Variants in HNRNPLL observed in about 807,000 individuals in gnomAD.
HNRNPLL encodes the protein heterogeneous nuclear ribonucleoprotein L-like.
Under a neutral mutation model 67.1 loss-of-function variants are expected in HNRNPLL, and 25 were observed. The ratio of observed to expected loss-of-function variants is 0.37; its 90% CI spans 0.27 to 0.52. The LOEUF is 0.52. HNRNPLL is among the 20% of genes least tolerant of loss of function. HNRNPLL has a pLI of 0.90. For missense variants in HNRNPLL, 542 were observed against 673.9 expected, an observed-to-expected ratio of 0.80 and a Z score of 2.17; for synonymous variants, 267 against 241.7, an observed-to-expected ratio of 1.10 and a Z score of -0.97.
At chr2:38,569,451 T>C (rs929915579) in intron 9 of HNRNPLL, 117 bp from the exon 10 acceptor site, 7 of 659,300 alleles carry the variant, frequency 1.1e-5, no homozygotes, top group African/African-American at 7.3e-5. Flanking sequence ...AAGGCATACA[T>C]AGAGCTATTT....
chr2:38,594,164 G>A (rs571102116), intron 1 of HNRNPLL, among the ~76,000 whole-genome samples: 93 of 152,078 alleles, frequency 6.1e-4, no homozygotes, highest in African/African-American at 2.2e-3. Flanking sequence ...GACAGAACAA[G>A]ACTCCATCTC....
Position 38,602,585 on chromosome 2 carries a change from C to T in HNRNPLL, c.42G>A (p.Glu14=). The change falls in exon 1 of 13, where the codon GAG becomes GAA. Residue 14 remains glutamate, a synonymous_variant. Coordinates refer to ENST00000449105, the MANE Select transcript of HNRNPLL (RefSeq NM_138394.4). Reference sequence around the variant, plus strand: ...TGGCCTGGCTCTCGTACTCCCGGTCCTCCTCGTACGTCTCCCTGGGGGAGG... The same window carrying T: ...TGGCCTGGCTCTCGTACTCCCGGTCTTCCTCGTACGTCTCCCTGGGGGAGG... ...SSSSPRETYE[E]DREYESQAKR... is the part of the protein sequence containing the mutation. The T allele has an allele frequency of 1.9e-6, 3 of 1,573,964 alleles. No individual in the cohort carries two copies. Among genetic ancestry groups the T allele is most frequent in the Non-Finnish European group, 2.6e-6 (3 of 1,162,078 alleles).
chr2:38,594,947 A>G (rs1667112038), intron 1 of HNRNPLL, among the ~76,000 whole-genome samples: 1 of 152,006 alleles, frequency 6.6e-6, no homozygotes, highest in South Asian at 2.1e-4. Context: ...CTCAAAAAAA[A>G]GAAATAACCA....
intron 2 of HNRNPLL, among the ~76,000 whole-genome samples, chr2:38,588,370 A>C (rs1163895085): frequency 1.3e-5 from 2 of 151,746 alleles, no homozygotes; most frequent in African/African-American, 4.8e-5. Flanking sequence ...CAAGATGGTG[A>C]AACCCTGTCT....
At chr2:38,572,018 T>C (rs1038987537) in intron 8 of HNRNPLL, among the ~76,000 whole-genome samples, 1 of 152,122 alleles carries the variant, frequency 6.6e-6, no homozygotes, top group Non-Finnish European at 1.5e-5. Context: ...AAATACTCTA[T>C]AAAGAAAGTT....
At chr2:38,591,011 T>C (rs1164459073) in intron 2 of HNRNPLL, among the ~76,000 whole-genome samples, 1 of 151,904 alleles carries the variant, frequency 6.6e-6, no homozygotes, top group Non-Finnish European at 1.5e-5. Context: ...TCTCAAAAAA[T>C]AAAAAGAACT....
At chr2:38,589,059 A>G (rs1194899128) in intron 2 of HNRNPLL, among the ~76,000 whole-genome samples, 1 of 152,188 alleles carries the variant, frequency 6.6e-6, no homozygotes, top group Non-Finnish European at 1.5e-5. Context: ...AAAACTAATC[A>G]TTTCCTAATA....
intron 7 of HNRNPLL, among the ~76,000 whole-genome samples, chr2:38,576,552 CAT>C (rs1035534672): frequency 2.0e-5 from 3 of 151,708 alleles, no homozygotes; most frequent in Non-Finnish European, 3.0e-5. Flanking sequence ...CACACACACA[CAT>C]ACACAACACA....
intron 6 of HNRNPLL, among the ~76,000 whole-genome samples, chr2:38,580,846 T>A (rs1666500056): frequency 6.6e-6 from 1 of 152,236 alleles, no homozygotes; most frequent in South Asian, 2.1e-4. Flanking sequence ...CATGTTACTT[T>A]CACCTACATT....
chr2:38,591,517 C>G lies in HNRNPLL; in HGVS notation c.308+13G>C, dbSNP rs778710283. 1 of 1,342,724 alleles carries G rather than the reference C, an allele frequency of 7.4e-7. No homozygotes were observed. Among genetic ancestry groups the G allele is most frequent in the Non-Finnish European group, 1.1e-6 (1 of 932,374 alleles). 83.2% of individuals were successfully genotyped at this position (1,342,724 alleles called of 1,614,324 possible). A position where few individuals can be genotyped will look rare whatever the true frequency, so the allele number is the denominator to read the frequency against. The stretch of plus-strand genomic sequence containing the variant: ...ACAGTTTTCAATCTACATGAAGTCC[C>G]TATCATCCTTACCATATTGTCCCAA... On this transcript the variant is annotated intron_variant, in intron 2 of 12. Coordinates refer to ENST00000449105, the MANE Select transcript of HNRNPLL (RefSeq NM_138394.4).
At chr2:38,602,056 G>T in intron 1 of HNRNPLL, 1 of 238,854 alleles carries the variant, frequency 4.2e-6, no homozygotes, top group South Asian at 5.0e-5. Context: ...GCGGGCAGAG[G>T]GACTGAAGAG....
chr2:38,581,981 G>C lies in HNRNPLL; in HGVS notation c.734C>G (p.Thr245Ser). The C allele has an allele frequency of 6.2e-7, 1 of 1,611,348 alleles. No homozygotes were observed. The highest frequency in any genetic ancestry group is 8.5e-7 in the Non-Finnish European group (1 of 1,177,640). The change falls in exon 6 of 13, where the codon ACT (threonine) becomes AGT (serine). Residue 245 changes from threonine to serine, a missense_variant. Physicochemically the swap from Thr to Ser is moderately conservative, Grantham distance 58 (BLOSUM62 1). Around this residue, in one of 2 missense-constraint regions of HNRNPLL, gnomAD observed 415 missense variants for 575.2 expected, o/e 0.72. Transcript: ENST00000449105. The stretch of plus-strand genomic sequence containing the variant: ...GTCATTCCTAATAACATTTAGACGA[G>C]TTGGCTGTTAAGATTGAAAATAATG... ...CTLKIEYARP[T>S]RLNVIRNDND...
chr2:38,596,126 T>C (rs1184630388), intron 1 of HNRNPLL, among the ~76,000 whole-genome samples: 2 of 152,090 alleles, frequency 1.3e-5, no homozygotes, highest in Non-Finnish European at 2.9e-5. Context: ...CAAAGGTATC[T>C]TTCCCAACTA....
intron 2 of HNRNPLL, among the ~76,000 whole-genome samples, chr2:38,590,244 T>A (rs1179581198): frequency 6.6e-6 from 1 of 152,204 alleles, no homozygotes; most frequent in African/African-American, 2.4e-5. Flanking sequence ...ATACTACTAT[T>A]CCTTTGAAGA....
At position 38,568,414 on chromosome 2, in the gene HNRNPLL, G is replaced by C. The variant is rs746496249; in HGVS notation, c.1446C>G (p.Phe482Leu). ...KLCNDHEVLT[F>L]IKYKVFDAKP... is the part of the protein sequence containing the mutation. ...TTGCATCAAACACTTTATATTTGAT[G>C]AATGTAAGAACTTCATGGTCATTAC... The change falls in exon 11 of 13, where the codon TTC becomes TTG. Residue 482 changes from phenylalanine (F) to leucine (L), a missense_variant. Around this residue, in one of 2 missense-constraint regions of HNRNPLL, gnomAD observed 415 missense variants for 575.2 expected, o/e 0.72. Coordinates refer to ENST00000449105, the MANE Select transcript of HNRNPLL (RefSeq NM_138394.4). 1 of 1,607,836 alleles carries C rather than the reference G, an allele frequency of 6.2e-7. No homozygotes were observed.
At chr2:38,584,630 G>T (rs1207770978) in intron 3 of HNRNPLL, among the ~76,000 whole-genome samples, 2 of 152,022 alleles carry the variant, frequency 1.3e-5, no homozygotes, top group African/African-American at 4.8e-5. Flanking sequence ...TAATAAATAT[G>T]TATTAAGAGA....
chr2:38,600,697 T>C (rs887479648), intron 1 of HNRNPLL, among the ~76,000 whole-genome samples: 4 of 150,698 alleles, frequency 2.7e-5, no homozygotes, highest in Non-Finnish European at 2.9e-5. Flanking sequence ...CACGAGCTGC[T>C]GCACTCCAGA....
Position 38,564,191 on chromosome 2 carries a change from G to T in HNRNPLL, c.1620C>A (p.Ser540=). Residue 540 remains serine, a synonymous_variant, in exon 13 of 13, where the codon TCC becomes TCA. Coordinates refer to ENST00000449105, the MANE Select transcript of HNRNPLL (RefSeq NM_138394.4). The part of the protein sequence containing the change: ...YTLKLCFSTS[S]HL ...ACATGCTCTTCTCTTCTTATAAATG[G>T]GATGATGTAGAAAAGCAAAGCTTCA... 6.5e-7 allele frequency: 1 copy of T among 1,544,136 alleles called. No individual in the cohort carries two copies. Among genetic ancestry groups the T allele is most frequent in the African/African-American group, 1.4e-5 (1 of 73,238 alleles).
chr2:38,589,973 T>C (rs557842760), intron 2 of HNRNPLL, among the ~76,000 whole-genome samples: 1 of 152,328 alleles, frequency 6.6e-6, no homozygotes, highest in South Asian at 2.1e-4. Context: ...GGTAGTCTAC[T>C]GTCAACAGCA....
Sources: gnomAD v4.1 joint callset for allele counts (sites outside exome capture counted in the v4.1 genomes callset) on GRCh38, gnomAD v4.1.1 for gene constraint, gnomAD v4.1.1 regional missense constraint, MANE v1.5 for transcripts, NCBI Gene and HGNC (gene_info 2026-07-23, HGNC 2026-07-21) for gene names.